Variants in COL11A1 observed in about 807,000 individuals in gnomAD.
The protein encoded by COL11A1 is collagen type XI alpha 1 chain.
In COL11A1, 74 loss-of-function variants were observed where a neutral mutation model predicts 265.2. The ratio of observed to expected loss-of-function variants is 0.28; its 90% CI spans 0.23 to 0.34. The LOEUF is 0.34. Among genes scored for constraint, COL11A1 ranks in the 10% least tolerant of loss-of-function variants. COL11A1 has a pLI of 1.00. For synonymous variants in COL11A1, 816 were observed against 727.6 expected (o/e 1.12, Z -1.96); for missense variants, 2,165 against 2,263.6 (o/e 0.96, Z 0.88).
At chr1:102,904,829 G>C (rs1653711830) in intron 54 of COL11A1, among the ~76,000 whole-genome samples, 1 of 151,958 alleles carries the variant, frequency 6.6e-6, no homozygotes, top group African/African-American at 2.4e-5. Flanking sequence ...ATTCCTCAGG[G>C]ATCTAGAACT....
intron 4 of COL11A1, among the ~76,000 whole-genome samples, chr1:103,051,040 C>T (rs569474301): frequency 2.0e-5 from 3 of 152,312 alleles, no homozygotes; most frequent in East Asian, 3.9e-4. Context: ...TTAGGCTACT[C>T]GGGGGTCAGG....
At chr1:103,072,531 G>C (rs1415631058) in intron 4 of COL11A1, among the ~76,000 whole-genome samples, 1 of 151,448 alleles carries the variant, frequency 6.6e-6, no homozygotes, top group Non-Finnish European at 1.5e-5. Context: ...GTGTTTACTT[G>C]CAAAGATTCA....
At position 102,886,867 on chromosome 1, in the gene COL11A1, G is replaced by C. The variant is rs1022306561; in HGVS notation, c.4798C>G (p.Gln1600Glu). 1.2e-6 allele frequency: 2 copies of C among 1,613,750 alleles called. No individual in the cohort carries two copies. Among genetic ancestry groups the C allele is most frequent in the African/African-American group, 2.7e-5 (2 of 74,898 alleles). ...TTACAAGTTCGGGCTGGATTGGTCT[G>C]AGTACCCATTGGAAATTTCATATGC... ...IEHMKFPMGT[Q>E]TNPARTCKDL... The change falls in exon 63 of 67, where the codon CAG becomes GAG. Residue 1600 changes from glutamine to glutamate, a missense_variant. Gln to Glu is a conservative substitution (Grantham distance 29). Transcript: ENST00000370096.
rs1190686816 is a variant in COL11A1, at chr1:102,914,381, G to A, written c.3949C>T (p.Pro1317Ser). 6.2e-7 allele frequency: 1 copy of A among 1,608,730 alleles called. No individual in the cohort carries two copies. Among genetic ancestry groups the A allele is most frequent in the Non-Finnish European group, 8.5e-7 (1 of 1,176,828 alleles). The change falls in exon 52 of 67, where the codon CCT becomes TCT. Residue 1317 changes from proline to serine, a missense_variant. Coordinates refer to ENST00000370096, the MANE Select transcript of COL11A1 (RefSeq NM_001854.4). ...GGGCCAGGTTCCCCAGGAGGACCAG[G>A]ATCTCCAGGAAAACCAACAGGACCC... The part of the protein sequence containing the change: ...NPGPVGFPGD[P>S]GPPGEPGPAG...
intron 51 of COL11A1, 47 bp downstream of exon 51, chr1:102,914,657 G>T: frequency 7.2e-7 from 1 of 1,390,988 alleles, no homozygotes; most frequent in Admixed American, 1.8e-5. Flanking sequence ...AAGCTCCAAG[G>T]TGAGTTTGGC....
At chr1:102,914,519 C>G in intron 51 of COL11A1, 114 bp from the exon 52 acceptor site, 2 of 1,130,408 alleles carry the variant, frequency 1.8e-6, no homozygotes, top group Non-Finnish European at 1.3e-6. Flanking sequence ...GAGAATATTT[C>G]TCTTCTCCCG....
intron 14 of COL11A1, among the ~76,000 whole-genome samples, chr1:103,011,612 GAATAC>G (rs1424276981): frequency 6.6e-6 from 1 of 151,892 alleles, no homozygotes; most frequent in African/African-American, 2.4e-5. Flanking sequence ...ATTTAAATTT[GAATAC>G]AATAGTTTTG....
intron 42 of COL11A1, 133 bp downstream of exon 42, chr1:102,946,716 G>T: frequency 1.4e-6 from 1 of 740,048 alleles, no homozygotes. Context: ...ACATATACGA[G>T]CCAGGGTATT....
intron 57 of COL11A1, 132 bp from the exon 58 acceptor site, chr1:102,890,636 T>A: frequency 1.6e-6 from 1 of 630,954 alleles, no homozygotes; most frequent in Non-Finnish European, 2.7e-6. Context: ...TAATGTTGCT[T>A]TATTTTTAAG....
rs1250497290 is a variant in COL11A1 at position 103,004,435 on chromosome 1, G to C, written c.1944+9C>G. On this transcript the variant is annotated intron_variant, in intron 20 of 66. Coordinates refer to ENST00000370096, the MANE Select transcript of COL11A1 (RefSeq NM_001854.4). ...AATATTACTTAAAAATAAAAAGTAAGTTGCTTACAGCTTCACCTGGAAGAC... is the reference window on the plus strand; with the variant it reads ...AATATTACTTAAAAATAAAAAGTAACTTGCTTACAGCTTCACCTGGAAGAC... 2 of 1,605,074 alleles carry C rather than the reference G, an allele frequency of 1.2e-6. No homozygotes were observed. The highest frequency in any genetic ancestry group is 1.7e-6 in the Non-Finnish European group (2 of 1,173,582).
At chr1:103,031,007 C>A in intron 5 of COL11A1, 109 bp downstream of exon 5, 1 of 1,292,586 alleles carries the variant, frequency 7.7e-7, no homozygotes, top group South Asian at 1.3e-5. Flanking sequence ...AATTAAAATA[C>A]AAAGCATAGC....
At position 103,044,829 on chromosome 1, in the gene COL11A1, A is replaced by G. The variant is rs146344488; in HGVS notation, c.652-13585T>C. 4.5e-3 allele frequency among the ~76,000 whole-genome samples: 690 copies of G among 152,236 alleles called. 6 individuals are homozygous for G. Among genetic ancestry groups the G allele is most frequent in the African/African-American group, 0.016 (655 of 41,554 alleles). On this transcript the variant is annotated intron_variant, in intron 4 of 66. Coordinates refer to ENST00000370096, the MANE Select transcript of COL11A1 (RefSeq NM_001854.4). ...GAGTTTATATTCCAGAGGGAGAAAC[A>G]AAATAAGAATAATGTAGTATGCCAG...
intron 54 of COL11A1, among the ~76,000 whole-genome samples, chr1:102,911,130 C>T (rs142872930): frequency 2.6e-5 from 4 of 152,106 alleles, no homozygotes; most frequent in Non-Finnish European, 5.9e-5. Context: ...TGAGACCATG[C>T]TTTGGGGTTG....
At position 102,889,506 on chromosome 1, in the gene COL11A1, A is replaced by G. The variant is rs780241838; in HGVS notation, c.4413T>C (p.Gly1471=). Residue 1471 remains glycine (G), a synonymous_variant, in exon 59 of 67, where the codon GGT becomes GGC. Transcript: ENST00000370096. The part of the protein sequence containing the change: ...IGPPGEQGEK[G]DRGLPGTQGS... ...CTTGAGTTCCAGGGAGCCCTCGGTCACCTTTTTCCCCTTGTTCTCCTGGAG... is the reference window on the plus strand; with the variant it reads ...CTTGAGTTCCAGGGAGCCCTCGGTCGCCTTTTTCCCCTTGTTCTCCTGGAG... 6 of 1,613,622 alleles carry G rather than the reference A, an allele frequency of 3.7e-6. No homozygotes were observed. The highest frequency in any genetic ancestry group is 5.1e-6 in the Non-Finnish European group (6 of 1,179,828).
intron 41 of COL11A1, among the ~76,000 whole-genome samples, chr1:102,948,941 T>C (rs1379646352): frequency 6.6e-6 from 1 of 151,864 alleles, no homozygotes; most frequent in Non-Finnish European, 1.5e-5. Flanking sequence ...AATATTTGCC[T>C]CTAATTCTTT....
intron 12 of COL11A1, 102 bp downstream of exon 12, chr1:103,015,566 A>G (rs906767881): frequency 1.1e-6 from 1 of 899,146 alleles, no homozygotes. Flanking sequence ...TACCTTGTAC[A>G]ATGGTTTTTA....
intron 57 of COL11A1, among the ~76,000 whole-genome samples, chr1:102,893,017 T>C (rs887575268): frequency 4.6e-5 from 7 of 152,164 alleles, no homozygotes; most frequent in Non-Finnish European, 8.8e-5. Context: ...AATGAAATTG[T>C]CAAATTCACT....
At chr1:102,932,945 G>A (rs1048490384) in intron 46 of COL11A1, among the ~76,000 whole-genome samples, 3 of 147,206 alleles carry the variant, frequency 2.0e-5, no homozygotes, top group Non-Finnish European at 3.0e-5. Flanking sequence ...AGCTCCATCA[G>A]CTCCTTTAAG....
At position 102,962,294 on chromosome 1, in the gene COL11A1, C is replaced by T. The variant is rs370726653; in HGVS notation, c.3025-29G>A. 8 of 1,523,468 alleles carry T rather than the reference C, an allele frequency of 5.3e-6. No individual in the cohort carries two copies. The African/African-American group carries it at 5.5e-5, about 10-fold the overall frequency. The allele number at this position is 1,523,468 out of a possible 1,614,324, so 94.4% of individuals were successfully genotyped here. A position where few individuals can be genotyped will look rare whatever the true frequency, so the allele number is the denominator to read the frequency against. ...AAGAATATAATAAACATCGTCAAGACAGATTAATTTCTACACATCTTTCTA... is the reference window on the plus strand; with the variant it reads ...AAGAATATAATAAACATCGTCAAGATAGATTAATTTCTACACATCTTTCTA... On this transcript the variant is annotated intron_variant, in intron 39 of 66. Transcript: ENST00000370096.
Sources: gnomAD v4.1 joint callset for allele counts (sites outside exome capture counted in the v4.1 genomes callset) on GRCh38, gnomAD v4.1.1 for gene constraint, MANE v1.5 for transcripts, NCBI Gene and HGNC (gene_info 2026-07-23, HGNC 2026-07-21) for gene names.